CSMD1: variants seen among roughly 807,000 people sequenced by gnomAD.
CSMD1 encodes the protein CUB and Sushi multiple domains 1.
In CSMD1, 213 loss-of-function variants were observed where a neutral mutation model predicts 417.5. The ratio of observed to expected loss-of-function variants is 0.51; its 90% CI spans 0.46 to 0.57. The LOEUF (loss-of-function observed/expected upper bound fraction) is 0.57, where lower values mean the gene tolerates loss of function less well. Among genes scored for constraint, CSMD1 ranks in the 20% least tolerant of loss-of-function variants. The pLI is 0.00. For missense variants in CSMD1, 6,923 were observed against 4,529.7 expected (o/e 1.53, Z -15.17); for synonymous variants, 2,862 against 1,736.8 (o/e 1.65, Z -16.11).
At chr8:4,524,003 G>A (rs149306586) in intron 2 of CSMD1, among the ~76,000 whole-genome samples, 1 of 151,988 alleles carries the variant, frequency 6.6e-6, no homozygotes, top group African/African-American at 2.4e-5. Context: ...CCCTATGTTA[G>A]GTTTTGGATC....
At chr8:3,868,894 C>A (rs1480310757) in intron 5 of CSMD1, among the ~76,000 whole-genome samples, 1 of 152,204 alleles carries the variant, frequency 6.6e-6, no homozygotes, top group Non-Finnish European at 1.5e-5. Context: ...GGTGTGCTTG[C>A]TTCCATCTTT....
chr8:4,353,130 A>G (rs765688085), intron 3 of CSMD1, among the ~76,000 whole-genome samples: 1 of 152,182 alleles, frequency 6.6e-6, no homozygotes, highest in African/African-American at 2.4e-5. Context: ...GTTCTCTGAT[A>G]TGGTTTGGCT....
intron 3 of CSMD1, among the ~76,000 whole-genome samples, chr8:4,334,849 C>T (rs542465746): frequency 2.6e-5 from 4 of 152,058 alleles, no homozygotes; most frequent in Non-Finnish European, 5.9e-5. Flanking sequence ...ATTTATTTCT[C>T]ATTGATCTGG....
intron 3 of CSMD1, among the ~76,000 whole-genome samples, chr8:4,146,931 G>A (rs574036339): frequency 6.9e-6 from 1 of 144,228 alleles, no homozygotes; most frequent in Non-Finnish European, 1.5e-5. Context: ...GAACTTTAAG[G>A]AAGTCAACTC....
At chr8:3,997,659 G>C (rs1223415902) in intron 5 of CSMD1, among the ~76,000 whole-genome samples, 1 of 152,082 alleles carries the variant, frequency 6.6e-6, no homozygotes, top group Non-Finnish European at 1.5e-5. Flanking sequence ...AAAAATGACA[G>C]CACTACAAGT....
chr8:3,666,136 T>C (rs187150455), intron 7 of CSMD1, among the ~76,000 whole-genome samples: 7 of 152,324 alleles, frequency 4.6e-5, no homozygotes, highest in Non-Finnish European at 7.4e-5. Flanking sequence ...CCTCAAGTGA[T>C]CTACATGCCC....
intron 18 of CSMD1, among the ~76,000 whole-genome samples, chr8:3,381,135 C>A (rs76348740): frequency 0.015 from 2,299 of 152,126 alleles, 55 homozygotes; most frequent in African/African-American, 0.052. Context: ...CTATGATGAA[C>A]AGGGTGCGTT....
intron 31 of CSMD1, among the ~76,000 whole-genome samples, chr8:3,204,099 T>G (rs1435361704): frequency 6.6e-6 from 1 of 152,192 alleles, no homozygotes; most frequent in Non-Finnish European, 1.5e-5. Flanking sequence ...AGAATGCATT[T>G]TCATTAAAGA....
chr8:4,876,941 T>C (rs1415655692), intron 1 of CSMD1, among the ~76,000 whole-genome samples: 1 of 152,062 alleles, frequency 6.6e-6, no homozygotes, highest in East Asian at 1.9e-4. Flanking sequence ...CACACAAAAA[T>C]TATTACACAT....
At chr8:4,553,756 T>A (rs1343504742) in intron 2 of CSMD1, among the ~76,000 whole-genome samples, 1 of 152,224 alleles carries the variant, frequency 6.6e-6, no homozygotes, top group Non-Finnish European at 1.5e-5. Context: ...TATTTCTAAC[T>A]GCTCAGAGTA....
chr8:3,761,320 A>G (rs760587777), intron 5 of CSMD1, among the ~76,000 whole-genome samples: 5 of 152,166 alleles, frequency 3.3e-5, no homozygotes, highest in Non-Finnish European at 5.9e-5. Context: ...GCACATACAC[A>G]TATTTACATA....
intron 2 of CSMD1, among the ~76,000 whole-genome samples, chr8:4,447,062 G>C (rs554634659): frequency 3.0e-4 from 46 of 152,208 alleles, no homozygotes; most frequent in Middle Eastern, 3.4e-3. Context: ...TCAGGTCTGC[G>C]AGCCTAGCCT....
At chr8:4,403,172 C>G (rs557906854) in intron 3 of CSMD1, among the ~76,000 whole-genome samples, 3 of 152,236 alleles carry the variant, frequency 2.0e-5, no homozygotes, top group African/African-American at 7.2e-5. Context: ...TTACATAAGA[C>G]ATTAGTCTGA....
At position 3,359,349 on chromosome 8, in the gene CSMD1, T is replaced by C; in HGVS notation, c.3116-9A>G. Reference sequence around the variant, plus strand: ...TGGCTCCAGGTCATATTCTGAGGCATGCAGAGACAGAGTAAATGCATGAGG... The same window carrying C: ...TGGCTCCAGGTCATATTCTGAGGCACGCAGAGACAGAGTAAATGCATGAGG... On this transcript the variant is annotated splice_polypyrimidine_tract_variant and intron_variant, in intron 20 of 69. Transcript: ENST00000635120. The C allele has an allele frequency of 1.2e-6, 2 of 1,609,534 alleles. No individual in the cohort carries two copies. The highest frequency in any genetic ancestry group is 8.5e-7 in the Non-Finnish European group (1 of 1,177,886).
chr8:3,767,677 CCTATATATT>C (rs1225833686), intron 5 of CSMD1, among the ~76,000 whole-genome samples: 6 of 152,122 alleles, frequency 3.9e-5, no homozygotes, highest in Middle Eastern at 6.8e-3. Context: ...ACAAGTAATA[CCTATATATT>C]ATGTATATTA....
At position 4,788,006 on chromosome 8, in the gene CSMD1, G is replaced by C. The variant is rs754785565; in HGVS notation, c.86-150448C>G. 3.1e-6 allele frequency: 5 copies of C among 1,590,470 alleles called. No individual in the cohort carries two copies. The Admixed American group carries it at 5.2e-5, about 17-fold the overall frequency. ...AACAGAAAGACAAACAGTGTTATCG[G>C]GATCTCAAAGAAGTAACTCCTGAAG... On this transcript the variant is annotated intron_variant, in intron 1 of 69. Coordinates refer to ENST00000635120, the MANE Select transcript of CSMD1 (RefSeq NM_033225.6).
intron 6 of CSMD1, among the ~76,000 whole-genome samples, chr8:3,727,849 A>G (rs182384442): frequency 6.2e-4 from 94 of 152,336 alleles, no homozygotes; most frequent in Non-Finnish European, 1.2e-3. Flanking sequence ...GCCAGGTGAA[A>G]TATGCCTGTC....
At chr8:3,570,100 T>A (rs1442057348) in intron 10 of CSMD1, among the ~76,000 whole-genome samples, 2 of 152,228 alleles carry the variant, frequency 1.3e-5, no homozygotes, top group Non-Finnish European at 2.9e-5. Flanking sequence ...AATTCATTAC[T>A]GGTCATTTTA....
intron 3 of CSMD1, among the ~76,000 whole-genome samples, chr8:4,167,247 A>G (rs1052765374): frequency 7.9e-5 from 12 of 152,068 alleles, no homozygotes; most frequent in Non-Finnish European, 1.8e-4. Flanking sequence ...GTGTCTTCGA[A>G]GGTGAGAAAA....
Sources: gnomAD v4.1 joint callset for allele counts (sites outside exome capture counted in the v4.1 genomes callset) on GRCh38, gnomAD v4.1.1 for gene constraint, MANE v1.5 for transcripts, NCBI Gene and HGNC (gene_info 2026-07-23, HGNC 2026-07-21) for gene names.